GK: variants seen among roughly 807,000 people sequenced by gnomAD.
The protein encoded by GK is ATP:glycerol 3-phosphotransferase.
Under a neutral mutation model 56.4 loss-of-function variants are expected in GK, and 9 were observed. The observed-to-expected ratio is 0.16, with a 90% CI of 0.10 to 0.28. The LOEUF is 0.28. Ranked by LOEUF, GK falls within the 10% of genes least tolerant of loss-of-function variation. The pLI, the probability that GK is intolerant of heterozygous loss-of-function variation, is 1.00. For missense variants in GK, 161 were observed against 431.4 expected (o/e 0.37, Z 5.55); for synonymous variants, 104 against 144.1 (o/e 0.72, Z 1.99).
At chrX:30,694,973 A>G (rs1935171742) in intron 6 of GK, 8 of 254,531 alleles carry the variant, frequency 3.1e-5, no homozygotes, top group Non-Finnish European at 7.2e-6. Context: ...AAACTAAATC[A>G]TAGTGGAAAT....
intron 4 of GK, among the ~76,000 whole-genome samples, chrX:30,681,678 T>C (rs946239097): frequency 9.0e-6 from 1 of 111,395 alleles, no homozygotes; most frequent in Non-Finnish European, 1.9e-5. Context: ...TATGAAGATA[T>C]AAAGTTTTGA....
At chrX:30,683,362 G>GCAAT (rs1338843057) in intron 4 of GK, among the ~76,000 whole-genome samples, 1 of 111,084 alleles carries the variant, frequency 9.0e-6, no homozygotes, top group African/African-American at 3.3e-5. Context: ...GGCCAGATGA[G>GCAAT]CAATATTTAT....
At chrX:30,678,127 G>T in intron 4 of GK, 1 of 462,514 alleles carries the variant, frequency 2.2e-6, no homozygotes. Context: ...TTTCTATAAA[G>T]TACTTGTGTG....
intron 11 of GK, among the ~76,000 whole-genome samples, chrX:30,707,286 C>T (rs994358657): frequency 5.7e-5 from 6 of 105,504 alleles, no homozygotes; most frequent in African/African-American, 1.7e-4. Flanking sequence ...GCCAAGATCG[C>T]GCCACTGCAC....
intron 1 of GK, among the ~76,000 whole-genome samples, chrX:30,657,034 A>G (rs1278799941): frequency 9.0e-6 from 1 of 111,327 alleles, no homozygotes; most frequent in African/African-American, 3.3e-5. Flanking sequence ...CATTTTTAGT[A>G]GAGACGGGGT....
At chrX:30,688,340 G>A (rs1002414819) in intron 4 of GK, among the ~76,000 whole-genome samples, 7 of 110,520 alleles carry the variant, frequency 6.3e-5, no homozygotes, top group Non-Finnish European at 1.3e-4. Flanking sequence ...TATCGGGGGG[G>A]TTCTTTAGAT....
At chrX:30,674,048 A>T (rs1453077395) in intron 3 of GK, among the ~76,000 whole-genome samples, 3 of 111,940 alleles carry the variant, frequency 2.7e-5, no homozygotes, top group African/African-American at 9.7e-5. Context: ...AATAATAATG[A>T]CCATGGCAGC....
In GK at chrX:30,721,270, T is replaced by C; in HGVS notation, c.1501+275T>C. ...GTGTAGGATAATAATACTGCCACAC[T>C]GTCAGGTATAGCTAGTTAGAATAGC... On this transcript the variant is annotated intron_variant, in intron 18 of 20. Coordinates refer to ENST00000427190, the MANE Select transcript of GK (RefSeq NM_001205019.2). 7 of 358,447 alleles carry C rather than the reference T, an allele frequency of 2.0e-5. No individual in the cohort carries two copies. The South Asian group carries it at 2.6e-4, about 13-fold the overall frequency. The allele number at this position is 358,447 out of a possible 1,213,427, so 29.5% of individuals were successfully genotyped here.
intron 1 of GK, among the ~76,000 whole-genome samples, chrX:30,661,337 C>A (rs1279298982): frequency 1.8e-5 from 2 of 111,048 alleles, no homozygotes; most frequent in Non-Finnish European, 3.8e-5. Context: ...GGGTGTTGCT[C>A]TTTTTCCTGC....
chrX:30,724,088 C>G lies in GK; in HGVS notation c.1502-13C>G. On this transcript the variant is annotated splice_polypyrimidine_tract_variant and intron_variant, in intron 18 of 20. Transcript: ENST00000427190. ...ACCTTTCGTTATGTGTTTTTTCTACCTTCTAATTCTAGAAAGTGAAATTCG... is the reference window on the plus strand; with the variant it reads ...ACCTTTCGTTATGTGTTTTTTCTACGTTCTAATTCTAGAAAGTGAAATTCG... 9.3e-7 allele frequency: 1 copy of G among 1,076,528 alleles called. No homozygotes were observed. The highest frequency in any genetic ancestry group is 1.3e-6 in the Non-Finnish European group (1 of 774,571). 88.7% of individuals were successfully genotyped at this position (1,076,528 alleles called of 1,213,427 possible). A position where few individuals can be genotyped will look rare whatever the true frequency, so the allele number is the denominator to read the frequency against.
At chrX:30,664,702 C>CTT (rs35313243) in intron 1 of GK, among the ~76,000 whole-genome samples, 1,178 of 57,563 alleles carry the variant, frequency 0.02, 37 homozygotes, top group East Asian at 0.066. Context: ...ACTCTATTGC[C>CTT]TTTTTTTTTT....
At chrX:30,700,191 G>A (rs1245725101) in intron 9 of GK, 2 of 381,887 alleles carry the variant, frequency 5.2e-6, no homozygotes, top group African/African-American at 5.0e-5. Flanking sequence ...CTGGCTCCCA[G>A]TCTAACGTTT....
At chrX:30,707,191 G>A (rs1192887466) in intron 11 of GK, among the ~76,000 whole-genome samples, 4 of 110,468 alleles carry the variant, frequency 3.6e-5, no homozygotes, top group Non-Finnish European at 7.6e-5. Flanking sequence ...TTAGCTGGGC[G>A]TGGTGGCACA....
At chrX:30,657,162 T>C (rs756097322) in intron 1 of GK, among the ~76,000 whole-genome samples, 1 of 113,016 alleles carries the variant, frequency 8.8e-6, no homozygotes, top group African/African-American at 3.2e-5. Flanking sequence ...TTAACTGAAT[T>C]TTAATTCTGG....
intron 1 of GK, among the ~76,000 whole-genome samples, chrX:30,657,068 CT>C (rs1404621615): frequency 8.9e-6 from 1 of 112,030 alleles, no homozygotes; most frequent in Non-Finnish European, 1.9e-5. Flanking sequence ...TCAGGCTGGT[CT>C]CGAACTCCTG....
chrX:30,690,544 T>C (rs1243335082), intron 4 of GK, among the ~76,000 whole-genome samples: 1 of 111,278 alleles, frequency 9.0e-6, no homozygotes. Context: ...AGAGAAAGAA[T>C]GGTGCCTTTA....
chrX:30,713,604 A>G (rs1936467704), intron 13 of GK, among the ~76,000 whole-genome samples: 1 of 111,519 alleles, frequency 9.0e-6, no homozygotes, highest in Admixed American at 9.5e-5. Context: ...CTAAATTCTC[A>G]TTTTCATTAT....
chrX:30,679,446 G>A (rs988570494), intron 4 of GK, among the ~76,000 whole-genome samples: 38 of 110,970 alleles, frequency 3.4e-4, no homozygotes, highest in Non-Finnish European at 5.3e-4. Context: ...TCAAACTCCC[G>A]ACCTCAGGTG....
intron 20 of GK, 26 bp from the exon 21 acceptor site, chrX:30,728,704 CAT>C: frequency 1.9e-6 from 2 of 1,055,665 alleles, no homozygotes; most frequent in Non-Finnish European, 1.3e-6. Context: ...GTATTATTGA[CAT>C]ATATGGTTTT....
Sources: gnomAD v4.1 joint callset for allele counts (sites outside exome capture counted in the v4.1 genomes callset) on GRCh38, gnomAD v4.1.1 for gene constraint, MANE v1.5 for transcripts, NCBI Gene and HGNC (gene_info 2026-07-23, HGNC 2026-07-21) for gene names.